The following RIC3 variants were observed in gnomAD, a reference collection of about 807,000 sequenced individuals.
The protein encoded by RIC3 is protein RIC-3.
A neutral mutation model predicts 27.3 loss-of-function variants in RIC3; 28 were observed. That is an observed-to-expected ratio of 1.02 (90% CI 0.76 to 1.41). RIC3 has a LOEUF of 1.41. Among genes scored for constraint, RIC3 ranks in the 40% most tolerant of loss-of-function variants. RIC3 has a pLI of 0.00. For synonymous variants in RIC3, 184 were observed against 160.4 expected (o/e 1.15, Z -1.11); for missense variants, 501 against 444.7 (o/e 1.13, Z -1.14).
intron 5 of RIC3, among the ~76,000 whole-genome samples, chr11:8,113,658 C>T (rs1945512502): frequency 6.6e-6 from 1 of 152,124 alleles, no homozygotes; most frequent in Non-Finnish European, 1.5e-5. Context: ...TCCCACAATC[C>T]AGCAGACCCT....
chr11:8,128,109 A>T (rs528955559), intron 4 of RIC3: 1 of 444,736 alleles, frequency 2.2e-6, no homozygotes, highest in South Asian at 1.6e-5. Context: ...CCATCAGTAC[A>T]GGAGTCCTGA....
At chr11:8,096,485 A>G in the RIC3 span, among the ~76,000 whole-genome samples, 2 of 152,166 alleles carry the variant, frequency 1.3e-5, no homozygotes, top group Non-Finnish European at 2.9e-5. Context: ...ACCTGAGAGA[A>G]TATCCTTTTA....
chr11:8,093,415 C>T, the RIC3 span, among the ~76,000 whole-genome samples: 3 of 152,136 alleles, frequency 2.0e-5, no homozygotes, highest in Non-Finnish European at 4.4e-5. Context: ...GAATGTTGGT[C>T]TTCAGCTTAA....
At chr11:8,161,165 T>C (rs1049101023) in intron 1 of RIC3, among the ~76,000 whole-genome samples, 8 of 152,230 alleles carry the variant, frequency 5.3e-5, no homozygotes, top group Admixed American at 2.0e-4. Context: ...AAATCGGCAC[T>C]TCACGTAAGA....
chr11:8,103,763 T>C (rs1377319678), downstream of RIC3: 1 of 152,698 alleles, frequency 6.5e-6, no homozygotes, highest in East Asian at 1.9e-4. Context: ...CTAGATCGTC[T>C]CTAATGTTAG....
intron 5 of RIC3, among the ~76,000 whole-genome samples, chr11:8,124,045 G>A (rs552318330): frequency 9.0e-4 from 134 of 148,486 alleles, no homozygotes; most frequent in African/African-American, 2.9e-3. Flanking sequence ...CTCCAGCCTG[G>A]GCAACAGGGC....
chr11:8,140,241 G>A, intron 1 of RIC3, 48 bp from the exon 2 acceptor site: 1 of 1,523,212 alleles, frequency 6.6e-7, no homozygotes, highest in South Asian at 1.2e-5. Context: ...TTTTAAAGAT[G>A]GCTATCATGA....
chr11:8,168,239 T>C (rs1037888026), intron 1 of RIC3, among the ~76,000 whole-genome samples: 7 of 152,124 alleles, frequency 4.6e-5, no homozygotes, highest in African/African-American at 1.7e-4. Context: ...ACATACATCA[T>C]GCCAACAACG....
the RIC3 span, among the ~76,000 whole-genome samples, chr11:8,094,473 C>T: frequency 6.6e-6 from 1 of 152,206 alleles, no homozygotes; most frequent in Non-Finnish European, 1.5e-5. Flanking sequence ...CTACCTTGGC[C>T]TGAGCACCCT....
chr11:8,143,282 T>C (rs879690330), intron 1 of RIC3, among the ~76,000 whole-genome samples: 349 of 151,964 alleles, frequency 2.3e-3, no homozygotes, highest in Non-Finnish European at 2.9e-3. Flanking sequence ...GAAAACCCCA[T>C]TGTCTCAGCC....
the RIC3 span, chr11:8,097,797 A>AG: frequency 6.2e-7 from 1 of 1,613,784 alleles, no homozygotes; most frequent in African/African-American, 1.3e-5. Flanking sequence ...ACTTGTCTCG[A>AG]GGAGGGGACA....
chr11:8,130,911 C>G (rs1226363085), intron 4 of RIC3, among the ~76,000 whole-genome samples: 1 of 151,902 alleles, frequency 6.6e-6, no homozygotes, highest in African/African-American at 2.4e-5. Flanking sequence ...AAGAGAGGTA[C>G]ACAAGGCCAG....
At chr11:8,134,831 G>C (rs1325092896) in intron 4 of RIC3, among the ~76,000 whole-genome samples, 2 of 152,094 alleles carry the variant, frequency 1.3e-5, no homozygotes, top group Non-Finnish European at 2.9e-5. Flanking sequence ...TTGCCCGCTT[G>C]TTGATGGGGT....
the RIC3 span, chr11:8,098,901 G>A: frequency 9.2e-6 from 14 of 1,518,064 alleles, no homozygotes; most frequent in Non-Finnish European, 1.1e-5. Context: ...GGGGGTCTCT[G>A]ATTTCCAAGG....
chr11:8,109,535 C>T lies in RIC3; in HGVS notation c.*1163G>A, dbSNP rs1277305709. On this transcript the variant is annotated 3_prime_UTR_variant, in exon 6 of 6. Transcript: ENST00000309737. ...GCTCTCTCAAAAAGACCCAAATATC[C>T]GAGTATGGAACACATGGTCTCTACC... The T allele has an allele frequency of 6.6e-6, 1 of 152,008 alleles. No homozygotes were observed. The highest frequency in any genetic ancestry group is 1.5e-5 in the Non-Finnish European group (1 of 68,012). The allele number at this position is 152,008 out of a possible 1,614,324, so 9.4% of individuals were successfully genotyped here.
At chr11:8,097,797 A>C in the RIC3 span, 1 of 1,613,902 alleles carries the variant, frequency 6.2e-7, no homozygotes, top group Admixed American at 1.7e-5. Flanking sequence ...ACTTGTCTCG[A>C]GGAGGGGACA....
intron 5 of RIC3, among the ~76,000 whole-genome samples, chr11:8,112,658 A>G (rs1484741823): frequency 6.6e-6 from 1 of 152,166 alleles, no homozygotes; most frequent in Non-Finnish European, 1.5e-5. Flanking sequence ...AAAAGGTTAT[A>G]TCCTGATGTT....
intron 4 of RIC3, among the ~76,000 whole-genome samples, chr11:8,131,419 T>C (rs78129703): frequency 0.017 from 2,575 of 152,184 alleles, 78 homozygotes; most frequent in African/African-American, 0.058. Context: ...ATAGGTTCAG[T>C]TGGGGGATAG....
In RIC3 at chr11:8,120,709, T is replaced by TA. The variant is rs201395010; in HGVS notation, c.670+5949_670+5950insT. 9.0e-3 allele frequency among the ~76,000 whole-genome samples: 1,357 copies of TA among 150,144 alleles called. 19 individuals are homozygous for TA. Among genetic ancestry groups the TA allele is most frequent in the African/African-American group, 0.032 (1,295 of 40,812 alleles). On this transcript the variant is annotated intron_variant, in intron 5 of 5. Coordinates refer to ENST00000309737, the MANE Select transcript of RIC3 (RefSeq NM_001206671.4). ...AAGACACCAATACCCCAAATATAAT[T>TA]TAAAAAAAAAAGAAAGAAAATAAAA...
Sources: gnomAD v4.1 joint callset for allele counts (sites outside exome capture counted in the v4.1 genomes callset) on GRCh38, gnomAD v4.1.1 for gene constraint, MANE v1.5 for transcripts, NCBI Gene and HGNC (gene_info 2026-07-23, HGNC 2026-07-21) for gene names.